DPP10: variants seen among roughly 807,000 people sequenced by gnomAD.
The protein encoded by DPP10 is inactive dipeptidyl peptidase 10.
In DPP10, 33 loss-of-function variants were observed where a neutral mutation model predicts 120.9. The ratio of observed to expected loss-of-function variants is 0.27; its 90% CI spans 0.21 to 0.37. The LOEUF is 0.37. Ranked by LOEUF, DPP10 falls within the 10% of genes least tolerant of loss-of-function variation. DPP10 has a pLI of 1.00. For synonymous variants in DPP10, 337 were observed against 326.1 expected (o/e 1.03, Z -0.36); for missense variants, 816 against 942.8 (o/e 0.87, Z 1.76).
At chr2:115,715,519 A>G (rs542826152) in intron 7 of DPP10, among the ~76,000 whole-genome samples, 8 of 152,148 alleles carry the variant, frequency 5.3e-5, no homozygotes, top group South Asian at 2.1e-4. Flanking sequence ...CTGCTTCGCT[A>G]TATTATAAAC....
intron 1 of DPP10, among the ~76,000 whole-genome samples, chr2:115,251,958 G>GAA (rs2058771499): frequency 6.6e-6 from 1 of 152,156 alleles, no homozygotes; most frequent in South Asian, 2.1e-4. Context: ...AACCTGTGTT[G>GAA]AAAATTGCTA....
chr2:114,591,552 C>CTTTTTTTTTT (rs1388048473), intron 1 of DPP10, among the ~76,000 whole-genome samples: 27 of 128,500 alleles, frequency 2.1e-4, no homozygotes, highest in African/African-American at 5.2e-4. Flanking sequence ...CAACCTCTTC[C>CTTTTTTTTTT]TATTTTTTTT....
At chr2:115,836,087 T>TTG (rs1689461393) in intron 21 of DPP10, 70 bp from the exon 22 acceptor site, 1 of 796,862 alleles carries the variant, frequency 1.3e-6, no homozygotes, top group African/African-American at 2.0e-5. Flanking sequence ...ATATATAAAT[T>TTG]TGTGTGTGTG....
At chr2:115,703,400 T>TA (rs2091970527) in intron 7 of DPP10, among the ~76,000 whole-genome samples, 1 of 151,930 alleles carries the variant, frequency 6.6e-6, no homozygotes, top group Non-Finnish European at 1.5e-5. Context: ...TATCTCCATA[T>TA]ATATAGGGAG....
intron 3 of DPP10, among the ~76,000 whole-genome samples, chr2:115,374,343 C>A (rs1559500775): frequency 2.6e-5 from 4 of 152,170 alleles, no homozygotes; most frequent in Non-Finnish European, 5.9e-5. Context: ...CCAGGCCACA[C>A]TGATACAAGA....
chr2:115,409,329 G>A (rs1454016975), intron 3 of DPP10, among the ~76,000 whole-genome samples: 2 of 152,086 alleles, frequency 1.3e-5, no homozygotes, highest in African/African-American at 2.4e-5. Flanking sequence ...AGACAAATGT[G>A]TAAAACTGAC....
chr2:115,291,714 T>C (rs1214907631), intron 1 of DPP10, among the ~76,000 whole-genome samples: 1 of 152,146 alleles, frequency 6.6e-6, no homozygotes, highest in African/African-American at 2.4e-5. Context: ...TATATATCCA[T>C]GAGCTTTTCA....
At chr2:115,072,566 A>C (rs1707455242) in intron 1 of DPP10, among the ~76,000 whole-genome samples, 1 of 152,150 alleles carries the variant, frequency 6.6e-6, no homozygotes. Flanking sequence ...CTATTACTGA[A>C]TTAACACTTT....
chr2:114,641,045 T>C (rs915580116), intron 1 of DPP10, among the ~76,000 whole-genome samples: 18 of 151,968 alleles, frequency 1.2e-4, no homozygotes, highest in Non-Finnish European at 7.3e-5. Flanking sequence ...ATGAAACATA[T>C]AGCAAGCACC....
intron 1 of DPP10, among the ~76,000 whole-genome samples, chr2:114,973,611 G>A (rs1444341794): frequency 5.9e-5 from 8 of 134,490 alleles, no homozygotes; most frequent in Admixed American, 4.3e-4. Flanking sequence ...GCAGTGAGCC[G>A]AGATCGAGCC....
chr2:115,688,223 C>G (rs1182835711), intron 5 of DPP10, among the ~76,000 whole-genome samples: 4 of 152,242 alleles, frequency 2.6e-5, no homozygotes, highest in East Asian at 1.9e-4. Context: ...CAAAGGCAAT[C>G]TCAGATTTAA....
At chr2:115,695,225 T>G (rs1177777987) in intron 7 of DPP10, among the ~76,000 whole-genome samples, 2 of 152,166 alleles carry the variant, frequency 1.3e-5, no homozygotes, top group Non-Finnish European at 2.9e-5. Context: ...AGAAGACTTT[T>G]TTCACATAAG....
chr2:115,576,699 A>G (rs1236507758), intron 5 of DPP10, among the ~76,000 whole-genome samples: 2 of 151,004 alleles, frequency 1.3e-5, no homozygotes, highest in East Asian at 1.9e-4. Context: ...CAATGTCTAC[A>G]TTACCTCCTG....
intron 1 of DPP10, among the ~76,000 whole-genome samples, chr2:114,620,411 T>A (rs1694005218): frequency 6.6e-6 from 1 of 152,040 alleles, no homozygotes; most frequent in African/African-American, 2.4e-5. Flanking sequence ...ATCGCCTTAT[T>A]TGAAATAATC....
chr2:115,746,912 G>A (rs1678052068), intron 10 of DPP10, among the ~76,000 whole-genome samples: 1 of 152,128 alleles, frequency 6.6e-6, no homozygotes. Context: ...TGAATGATGT[G>A]GGGATAAGTT....
At chr2:115,542,134 A>G (rs752638007) in intron 5 of DPP10, among the ~76,000 whole-genome samples, 5 of 152,030 alleles carry the variant, frequency 3.3e-5, no homozygotes, top group South Asian at 2.1e-4. Context: ...GTGTGATTCT[A>G]TGACATTTTT....
At chr2:115,696,193 A>G (rs529835047) in intron 7 of DPP10, among the ~76,000 whole-genome samples, 2 of 152,276 alleles carry the variant, frequency 1.3e-5, no homozygotes, top group East Asian at 3.9e-4. Context: ...TAGAAAAAAT[A>G]TTTTTAAAAA....
At chr2:115,380,895 G>T (rs1392843563) in intron 3 of DPP10, among the ~76,000 whole-genome samples, 1 of 152,140 alleles carries the variant, frequency 6.6e-6, no homozygotes, top group Non-Finnish European at 1.5e-5. Flanking sequence ...CTCTCTTCTG[G>T]CTTGTAGAGT....
At chr2:115,712,341 C>G (rs932060230) in intron 7 of DPP10, among the ~76,000 whole-genome samples, 1 of 150,600 alleles carries the variant, frequency 6.6e-6, no homozygotes, top group East Asian at 2.0e-4. Context: ...GGAGCTCAAG[C>G]AGGAATGTGA....
Sources: allele counts gnomAD v4.1 joint callset (sites outside exome capture counted in the v4.1 genomes callset), GRCh38; gene constraint gnomAD v4.1.1; transcripts MANE v1.5; gene names NCBI Gene and HGNC (gene_info 2026-07-23, HGNC 2026-07-21).